The following LRRC4C variants were observed in gnomAD, a reference collection of about 807,000 sequenced individuals.
LRRC4C encodes leucine-rich repeat-containing protein 4C.
In LRRC4C, 5 loss-of-function variants were observed where a neutral mutation model predicts 33.6. That is an observed-to-expected ratio of 0.15 (90% CI 0.08 to 0.31). LRRC4C has a LOEUF of 0.31. LRRC4C is among the 10% of genes least tolerant of loss of function. The probability of loss-of-function intolerance (pLI) is 1.00; values close to 1 mark genes in which losing one functional copy is unlikely to be tolerated. For missense variants in LRRC4C, 560 were observed against 796.7 expected, an observed-to-expected ratio of 0.70 and a Z score of 3.58; for synonymous variants, 329 against 302.0, an observed-to-expected ratio of 1.09 and a Z score of -0.93.
intron 1 of LRRC4C, among the ~76,000 whole-genome samples, chr11:41,203,475 T>G (rs918308692): frequency 7.9e-5 from 12 of 152,228 alleles, no homozygotes; most frequent in African/African-American, 2.7e-4. Flanking sequence ...TGGTTTTAGA[T>G]GACTAACATT....
chr11:40,758,362 C>T lies in LRRC4C; in HGVS notation c.-406-110084G>A, dbSNP rs888451687. Reference sequence around the variant, plus strand: ...GGGATGACTTGAGGGTCCTCTCCTCCTGCTATGTGCATGGTAATTAGGGCC... The same window carrying T: ...GGGATGACTTGAGGGTCCTCTCCTCTTGCTATGTGCATGGTAATTAGGGCC... On this transcript the variant is annotated intron_variant, in intron 2 of 6. Transcript: ENST00000528697. Among the ~76,000 whole-genome samples, 3 of 151,974 alleles carry T rather than the reference C, an allele frequency of 2.0e-5. No individual in the cohort carries two copies. The East Asian group carries it at 5.8e-4, about 29-fold the overall frequency.
At chr11:40,657,342 A>T (rs575031272) in intron 2 of LRRC4C, among the ~76,000 whole-genome samples, 95 of 152,312 alleles carry the variant, frequency 6.2e-4, no homozygotes, top group African/African-American at 2.1e-3. Flanking sequence ...AAATATTTAA[A>T]TGTGAATATG....
At chr11:40,777,124 C>T (rs7940017) in intron 2 of LRRC4C, among the ~76,000 whole-genome samples, 4 of 152,050 alleles carry the variant, frequency 2.6e-5, no homozygotes, top group South Asian at 2.1e-4. Flanking sequence ...GAATTTATTG[C>T]GACTTGCTTT....
At position 40,805,595 on chromosome 11, in the gene LRRC4C, G is replaced by A. The variant is rs1003675608; in HGVS notation, c.-407+128040C>T. Among the ~76,000 whole-genome samples the A allele has an allele frequency of 3.3e-5, 5 of 152,104 alleles. No homozygotes were observed. In the South Asian group the frequency reaches 1.0e-3, roughly 31 times the overall value. On this transcript the variant is annotated intron_variant, in intron 2 of 6. Coordinates refer to ENST00000528697, the MANE Select transcript of LRRC4C (RefSeq NM_001258419.2). Reference sequence around the variant, plus strand: ...TACTAAACACTAGTTTCAAGAGTGTGACGATAAGTAAGACATTATCTCCAC... The same window carrying A: ...TACTAAACACTAGTTTCAAGAGTGTAACGATAAGTAAGACATTATCTCCAC...
intron 3 of LRRC4C, among the ~76,000 whole-genome samples, chr11:40,584,408 C>G (rs1255999928): frequency 6.6e-6 from 1 of 151,682 alleles, no homozygotes; most frequent in Non-Finnish European, 1.5e-5. Flanking sequence ...TGGAGGACTA[C>G]TAGCTTGATG....
intron 6 of LRRC4C, among the ~76,000 whole-genome samples, chr11:40,118,401 C>T (rs1198408709): frequency 6.6e-6 from 1 of 151,908 alleles, no homozygotes; most frequent in Non-Finnish European, 1.5e-5. Context: ...GGAATAGAAT[C>T]CTTACCTCGT....
At chr11:40,390,309 T>G (rs1017859602) in intron 3 of LRRC4C, among the ~76,000 whole-genome samples, 1 of 152,208 alleles carries the variant, frequency 6.6e-6, no homozygotes, top group Admixed American at 6.5e-5. Flanking sequence ...TTCAGCTTAA[T>G]CTCGAGTGTT....
chr11:41,012,675 C>T (rs939599379), intron 1 of LRRC4C, among the ~76,000 whole-genome samples: 3 of 152,110 alleles, frequency 2.0e-5, no homozygotes, highest in African/African-American at 4.8e-5. Flanking sequence ...TTTTACATAG[C>T]GGCTGAACTA....
chr11:40,921,973 C>T (rs1957201775), intron 2 of LRRC4C, among the ~76,000 whole-genome samples: 2 of 152,170 alleles, frequency 1.3e-5, no homozygotes, highest in Admixed American at 1.3e-4. Context: ...TTCCCTCTTC[C>T]TGCCTTCTAA....
At chr11:41,177,053 A>T (rs1945235354) in intron 1 of LRRC4C, among the ~76,000 whole-genome samples, 2 of 152,170 alleles carry the variant, frequency 1.3e-5, no homozygotes, top group African/African-American at 4.8e-5. Flanking sequence ...GGGAGTCTCC[A>T]CTACCAACTG....
At chr11:40,671,024 A>G (rs995890635) in intron 2 of LRRC4C, among the ~76,000 whole-genome samples, 4 of 152,192 alleles carry the variant, frequency 2.6e-5, no homozygotes, top group African/African-American at 9.6e-5. Flanking sequence ...TGGCCTCCCA[A>G]GGTGCTGGGA....
In LRRC4C at chr11:40,310,649, T is replaced by C. The variant is rs988588766; in HGVS notation, c.-176+8979A>G. Among the ~76,000 whole-genome samples, 19 of 152,284 alleles carry C rather than the reference T, an allele frequency of 1.2e-4. No individual in the cohort carries two copies. The East Asian group carries it at 1.5e-3, about 12-fold the overall frequency. ...TGGCAGATACTGTGCTACACTCTTA[T>C]AAGCATTAACTCACAACAACCACCC... On this transcript the variant is annotated intron_variant, in intron 4 of 6. Transcript: ENST00000528697.
At chr11:41,100,482 G>T (rs960050143) in intron 1 of LRRC4C, among the ~76,000 whole-genome samples, 22 of 151,980 alleles carry the variant, frequency 1.4e-4, no homozygotes, top group African/African-American at 5.1e-4. Flanking sequence ...CAGAAGAATT[G>T]CTTGAACTCA....
chr11:41,265,751 A>G (rs1949127596), intron 1 of LRRC4C, among the ~76,000 whole-genome samples: 1 of 152,098 alleles, frequency 6.6e-6, no homozygotes, highest in Non-Finnish European at 1.5e-5. Flanking sequence ...CTGAGTTACA[A>G]TTACAGCTAG....
intron 4 of LRRC4C, among the ~76,000 whole-genome samples, chr11:40,286,568 TA>T (rs545724990): frequency 7.0e-4 from 107 of 152,248 alleles, no homozygotes; most frequent in Non-Finnish European, 1.3e-3. Flanking sequence ...ATATGCTCCA[TA>T]AAAGTAAAGC....
chr11:40,532,436 A>T (rs1956308045), intron 3 of LRRC4C, among the ~76,000 whole-genome samples: 2 of 151,844 alleles, frequency 1.3e-5, no homozygotes, highest in African/African-American at 4.8e-5. Context: ...TTGCCCTTGG[A>T]TTAAGGTTGA....
chr11:40,174,759 G>A (rs2135462382), intron 5 of LRRC4C, among the ~76,000 whole-genome samples: 1 of 152,180 alleles, frequency 6.6e-6, no homozygotes, highest in South Asian at 2.1e-4. Flanking sequence ...AATAACCAAT[G>A]GATTTTTTAT....
intron 1 of LRRC4C, among the ~76,000 whole-genome samples, chr11:41,078,242 A>G (rs1390347697): frequency 6.6e-6 from 1 of 152,204 alleles, no homozygotes. Flanking sequence ...AAACTTTCTG[A>G]CATTTTCTTG....
intron 3 of LRRC4C, among the ~76,000 whole-genome samples, chr11:40,479,656 G>C (rs2138388014): frequency 6.6e-6 from 1 of 152,234 alleles, no homozygotes; most frequent in South Asian, 2.1e-4. Flanking sequence ...ATTGCAGACT[G>C]TCACTCATGA....
Sources: allele counts gnomAD v4.1 joint callset (sites outside exome capture counted in the v4.1 genomes callset), GRCh38; gene constraint gnomAD v4.1.1; transcripts MANE v1.5; gene names NCBI Gene and HGNC (gene_info 2026-07-23, HGNC 2026-07-21).